Variants in PLXNC1 observed in about 807,000 individuals in gnomAD.
PLXNC1 encodes the protein plexin-C1.
PLXNC1 carries 75 observed loss-of-function variants against 178.2 expected under a neutral mutation model. That is an observed-to-expected ratio of 0.42 (90% CI 0.35 to 0.51). The LOEUF (loss-of-function observed/expected upper bound fraction) is 0.51, where lower values mean the gene tolerates loss of function less well. Among genes scored for constraint, PLXNC1 ranks in the 20% least tolerant of loss-of-function variants. The pLI, the probability that PLXNC1 is intolerant of heterozygous loss-of-function variation, is 0.02. For synonymous variants in PLXNC1, 790 were observed against 779.9 expected (o/e 1.01, Z -0.22); for missense variants, 1,503 against 1,984.4 (o/e 0.76, Z 4.61).
chr12:94,259,785 C>A lies in PLXNC1; in HGVS notation c.3251+51C>A, dbSNP rs377602441. The stretch of plus-strand genomic sequence containing the variant: ...AAAAGCCTTTAAGAAAAAATCAGGC[C>A]GGGCATGGTGGCTCATGGCTGTAAT... On this transcript the variant is annotated intron_variant, in intron 19 of 30. Coordinates refer to ENST00000258526, the MANE Select transcript of PLXNC1 (RefSeq NM_005761.3). 4.6e-6 allele frequency: 7 copies of A among 1,515,644 alleles called. No individual in the cohort carries two copies. In the East Asian group the frequency reaches 1.7e-4, roughly 37 times the overall value. 93.9% of individuals were successfully genotyped at this position (1,515,644 alleles called of 1,614,324 possible). A position where few individuals can be genotyped will look rare whatever the true frequency, so the allele number is the denominator to read the frequency against.
intron 1 of PLXNC1, among the ~76,000 whole-genome samples, chr12:94,166,090 C>T (rs1290289626): frequency 1.3e-5 from 2 of 152,112 alleles, no homozygotes; most frequent in Non-Finnish European, 2.9e-5. Flanking sequence ...CCAACGATAG[C>T]TTCCACCAGG....
rs1340133824 is a variant in PLXNC1, at chr12:94,275,721, G to A, written c.3598-3751G>A. Among the ~76,000 whole-genome samples, 2 of 129,300 alleles carry A rather than the reference G, an allele frequency of 1.5e-5. 1 individual carries two copies. Among genetic ancestry groups the A allele is most frequent in the African/African-American group, 6.1e-5 (2 of 32,822 alleles). The allele number at this position is 129,300 out of a possible 152,430, so 84.8% of individuals were successfully genotyped here. ...ATACAAAAAATTAGCCGGGCGTAGTGGCGGGCGCCTGTAGTCCCAGCTACT... is the reference window on the plus strand; with the variant it reads ...ATACAAAAAATTAGCCGGGCGTAGTAGCGGGCGCCTGTAGTCCCAGCTACT... On this transcript the variant is annotated intron_variant, in intron 21 of 30. Coordinates refer to ENST00000258526, the MANE Select transcript of PLXNC1 (RefSeq NM_005761.3).
At position 94,226,423 on chromosome 12, in the gene PLXNC1, C is replaced by T. The variant is rs113568325; in HGVS notation, c.1791-182C>T. ...GGCAACACCCCTGCAGGTGCCATTCCGGCCCATCAACCTGAGGGCTTCCAA... is the reference window on the plus strand; with the variant it reads ...GGCAACACCCCTGCAGGTGCCATTCTGGCCCATCAACCTGAGGGCTTCCAA... On this transcript the variant is annotated intron_variant, in intron 7 of 30. Coordinates refer to ENST00000258526, the MANE Select transcript of PLXNC1 (RefSeq NM_005761.3). 62 of 536,014 alleles carry T rather than the reference C, an allele frequency of 1.2e-4. 1 individual carries two copies. Among genetic ancestry groups the T allele is most frequent in the Middle Eastern group, 9.1e-4 (2 of 2,198 alleles). 33.2% of individuals were successfully genotyped at this position (536,014 alleles called of 1,614,324 possible).
rs1349469346 is a variant in PLXNC1, at chr12:94,149,608, C to G, written c.637C>G (p.Arg213Gly). 1 of 1,580,166 alleles carries G rather than the reference C, an allele frequency of 6.3e-7. No individual in the cohort carries two copies. Residue 213 changes from arginine (R) to glycine (G), a missense_variant, in exon 1 of 31, where the codon CGC (arginine) becomes GGC (glycine). Around this residue, in one of 4 missense-constraint regions of PLXNC1, gnomAD observed 615 missense variants for 698.6 expected, o/e 0.88. Transcript: ENST00000258526. ...CATCGCGCTCAAGGACACGGAGGGG[C>G]GCAGCCTGGCCACGCAGGAGCTGGG... ...TAIALKDTEG[R>G]SLATQELGRL...
At chr12:94,303,616 T>C (rs951023928) in intron 28 of PLXNC1, 140 bp from the exon 29 acceptor site, 18 of 645,236 alleles carry the variant, frequency 2.8e-5, no homozygotes, top group Non-Finnish European at 4.5e-5. Flanking sequence ...GCCTACTGCA[T>C]GAAGCCTTGT....
chr12:94,262,613 A>G (rs1965026393), intron 20 of PLXNC1: 1 of 985,328 alleles, frequency 1.0e-6, no homozygotes, highest in South Asian at 4.7e-5. Context: ...AGTCGGCGAT[A>G]CTTTCACTTT....
intron 12 of PLXNC1, among the ~76,000 whole-genome samples, chr12:94,247,164 C>T (rs765916329): frequency 5.9e-5 from 9 of 152,134 alleles, no homozygotes; most frequent in Admixed American, 3.3e-4. Context: ...CTCCTCCCTC[C>T]GTTTCCCACA....
At chr12:94,247,192 G>A (rs879274336) in intron 12 of PLXNC1, among the ~76,000 whole-genome samples, 7 of 151,980 alleles carry the variant, frequency 4.6e-5, no homozygotes, top group African/African-American at 7.3e-5. Context: ...GATTACAGGC[G>A]TGAGCCACTA....
chr12:94,149,068 C>G lies in PLXNC1; in HGVS notation c.97C>G (p.Arg33Gly). Residue 33 changes from arginine (R) to glycine (G), a missense_variant, in exon 1 of 31, where the codon CGG (arginine) becomes GGG (glycine). By Grantham distance (125) the Arg-to-Gly change is moderately radical (BLOSUM62 -2). Around this residue, in one of 4 missense-constraint regions of PLXNC1, gnomAD observed 176 missense variants for 180.7 expected, o/e 0.97. Transcript: ENST00000258526. ...TCTGCTGGCACTGGCGGCTCCCGGCCGGGGCGCGGACGAGCCCGTGTGGCG... is the reference window on the plus strand; with the variant it reads ...TCTGCTGGCACTGGCGGCTCCCGGCGGGGGCGCGGACGAGCCCGTGTGGCG... The part of the protein sequence containing the change: ...AYLLALAAPG[R>G]GADEPVWRSE... 1 of 1,557,640 alleles carries G rather than the reference C, an allele frequency of 6.4e-7. No individual in the cohort carries two copies. Among genetic ancestry groups the G allele is most frequent in the Non-Finnish European group, 8.6e-7 (1 of 1,160,418 alleles).
rs1962836121 is a variant in PLXNC1, at chr12:94,194,319, G to T, written c.1439+7846G>T. On this transcript the variant is annotated intron_variant, in intron 4 of 30. Transcript: ENST00000258526. ...GATTACAATTGAACATGAGATTTGGGTGGAGACACAGATCCAAACGATATC... is the reference window on the plus strand; with the variant it reads ...GATTACAATTGAACATGAGATTTGGTTGGAGACACAGATCCAAACGATATC... 2.0e-5 allele frequency among the ~76,000 whole-genome samples: 3 copies of T among 152,166 alleles called. No homozygotes were observed. In the South Asian group the frequency reaches 6.2e-4, roughly 32 times the overall value.
Position 94,178,532 on chromosome 12 carries a change from G to A in PLXNC1, c.1204-2914G>A, listed in dbSNP as rs1019930738. On this transcript the variant is annotated intron_variant, in intron 2 of 30. Transcript: ENST00000258526. ...TTCCAGAACCAGATCAACTGAATCT[G>A]AGCTGATTAATACAGCTAATGAATT... Among the ~76,000 whole-genome samples the A allele has an allele frequency of 2.6e-5, 4 of 152,174 alleles. No homozygotes were observed. The East Asian group carries it at 7.7e-4, about 29-fold the overall frequency.
chr12:94,196,003 C>T (rs995474668), intron 4 of PLXNC1, among the ~76,000 whole-genome samples: 1 of 152,058 alleles, frequency 6.6e-6, no homozygotes, highest in Non-Finnish European at 1.5e-5. Context: ...CTCCAAGTGA[C>T]ACTCCTTCCT....
chr12:94,149,617 G>A lies in PLXNC1; in HGVS notation c.646G>A (p.Ala216Thr), dbSNP rs1488300478. 1.9e-6 allele frequency: 3 copies of A among 1,586,798 alleles called. No homozygotes were observed. The highest frequency in any genetic ancestry group is 2.6e-6 in the Non-Finnish European group (3 of 1,167,490). Residue 216 changes from alanine to threonine, a missense_variant, in exon 1 of 31, where the codon GCC becomes ACC. Transcript: ENST00000258526. ...ALKDTEGRSL[A>T]TQELGRLKLC... Reference sequence around the variant, plus strand: ...CAAGGACACGGAGGGGCGCAGCCTGGCCACGCAGGAGCTGGGGCGCCTCAA... The same window carrying A: ...CAAGGACACGGAGGGGCGCAGCCTGACCACGCAGGAGCTGGGGCGCCTCAA...
At chr12:94,212,794 A>C (rs1963526781) in intron 5 of PLXNC1, among the ~76,000 whole-genome samples, 1 of 144,600 alleles carries the variant, frequency 6.9e-6, no homozygotes, top group Non-Finnish European at 1.5e-5. Flanking sequence ...ATCTTGGCTC[A>C]CTGCAAGCTC....
At chr12:94,246,064 G>T (rs1469552070) in intron 12 of PLXNC1, among the ~76,000 whole-genome samples, 1 of 152,200 alleles carries the variant, frequency 6.6e-6, no homozygotes, top group Non-Finnish European at 1.5e-5. Flanking sequence ...AGGCTTCGGT[G>T]TCCTGTCTTG....
chr12:94,236,971 T>C (rs1267930514), intron 9 of PLXNC1, among the ~76,000 whole-genome samples: 1 of 152,172 alleles, frequency 6.6e-6, no homozygotes, highest in Non-Finnish European at 1.5e-5. Context: ...GGCATTCACC[T>C]ATATGGTATG....
At chr12:94,233,947 A>T (rs1964176328) in intron 9 of PLXNC1, among the ~76,000 whole-genome samples, 1 of 151,406 alleles carries the variant, frequency 6.6e-6, no homozygotes. Flanking sequence ...GCCCTACAGG[A>T]CTCTTTCCTT....
chr12:94,253,212 A>G (rs991029156), intron 15 of PLXNC1, among the ~76,000 whole-genome samples: 9 of 53,988 alleles, frequency 1.7e-4, no homozygotes, highest in East Asian at 1.2e-3. Context: ...TCCGTCTCAG[A>G]AAAAAAAAAA....
At chr12:94,197,453 C>CTCTCTCTCTCTCTCTCTG (rs1185902021) in intron 4 of PLXNC1, among the ~76,000 whole-genome samples, 2 of 151,732 alleles carry the variant, frequency 1.3e-5, no homozygotes. Context: ...CTCTCTCTCT[C>CTCTCTCTCTCTCTCTCTG]TCTCTCTGTC....
Sources: allele counts gnomAD v4.1 joint callset (sites outside exome capture counted in the v4.1 genomes callset), GRCh38; gene constraint gnomAD v4.1.1; regional missense constraint gnomAD v4.1.1; transcripts MANE v1.5; gene names NCBI Gene and HGNC (gene_info 2026-07-23, HGNC 2026-07-21).